ZNF469: variants seen among roughly 807,000 people sequenced by gnomAD.
The protein encoded by ZNF469 is zinc finger protein 469.
In ZNF469, 1 loss-of-function variant was observed where a neutral mutation model predicts 1.0. That is an observed-to-expected ratio of 1.00 (90% CI 0.35 to 4.73). The LOEUF is 4.73. Ranked by LOEUF, ZNF469 falls within the 30% of genes most tolerant of loss-of-function variation. ZNF469 has a pLI of 0.16. For missense variants in ZNF469, 6,100 were observed against 5,356.3 expected (o/e 1.14, Z -4.33); for synonymous variants, 2,703 against 2,363.4 (o/e 1.14, Z -4.17).
the ZNF469 span, among the ~76,000 whole-genome samples, chr16:88,128,526 C>T: frequency 2.0e-5 from 3 of 152,326 alleles, no homozygotes; most frequent in South Asian, 2.1e-4. Context: ...TTAGAGGGTG[C>T]TCCACCTGGA....
chr16:88,302,550 T>A, the ZNF469 span: 1 of 152,260 alleles, frequency 6.6e-6, no homozygotes, highest in Admixed American at 6.5e-5. Context: ...CCTGGGCTCG[T>A]CTGGACCTGT....
At chr16:88,296,734 C>T in the ZNF469 span, among the ~76,000 whole-genome samples, 2 of 151,366 alleles carry the variant, frequency 1.3e-5, no homozygotes, top group Non-Finnish European at 2.9e-5. Flanking sequence ...CCATGCTCCA[C>T]CCACACACAC....
chr16:88,423,764 G>C (rs1241611037), intron 1 of ZNF469, among the ~76,000 whole-genome samples: 3 of 152,198 alleles, frequency 2.0e-5, no homozygotes. Flanking sequence ...CTCTCCACGG[G>C]GCTGCTTGAG....
chr16:88,346,959 G>C, the ZNF469 span, among the ~76,000 whole-genome samples: 1,646 of 152,262 alleles, frequency 0.011, 28 homozygotes, highest in African/African-American at 0.037. Context: ...GAAGGCCCTC[G>C]TTCCCAGGAG....
At position 88,432,021 on chromosome 16, in the gene ZNF469, T is replaced by G. The variant is rs1222247473; in HGVS notation, c.4551T>G (p.Asp1517Glu). ...VSPMLPSHFP[D>E]LSGGKVLSKT... ...CGATGCTGCCTAGCCATTTTCCTGA[T>G]CTCTCGGGGGGAAAGGTGCTCAGTA... is the stretch of plus-strand genomic sequence containing the variant. Residue 1517 changes from aspartate (D) to glutamate (E), a missense_variant, in exon 3 of 3, where the codon GAT becomes GAG. Physicochemically the swap from Asp to Glu is conservative, Grantham distance 45. Transcript: ENST00000565624. 6.5e-7 allele frequency: 1 copy of G among 1,550,086 alleles called. No homozygotes were observed. Among genetic ancestry groups the G allele is most frequent in the East Asian group, 2.4e-5 (1 of 40,910 alleles).
At chr16:88,376,603 A>G in the ZNF469 span, among the ~76,000 whole-genome samples, 1 of 152,164 alleles carries the variant, frequency 6.6e-6, no homozygotes, top group Non-Finnish European at 1.5e-5. Flanking sequence ...TTTTCTTTTC[A>G]TTAGAAGGAT....
At chr16:88,317,298 C>T in the ZNF469 span, among the ~76,000 whole-genome samples, 1 of 152,266 alleles carries the variant, frequency 6.6e-6, no homozygotes, top group African/African-American at 2.4e-5. Flanking sequence ...TCCGTGGAGC[C>T]TCCTTCTGCC....
At chr16:88,166,494 G>A in the ZNF469 span, among the ~76,000 whole-genome samples, 10 of 152,162 alleles carry the variant, frequency 6.6e-5, no homozygotes, top group South Asian at 2.1e-4. This position sits in a 1 kb window ranked among gnomAD's most constrained non-coding sequence, Gnocchi z 4.5. Flanking sequence ...AGCGCCCCTC[G>A]GCACCCTCCC....
chr16:88,376,069 G>T, the ZNF469 span, among the ~76,000 whole-genome samples: 2 of 152,264 alleles, frequency 1.3e-5, no homozygotes, highest in Non-Finnish European at 2.9e-5. Context: ...TTCATGGCAG[G>T]TTCAGGGCGG....
the ZNF469 span, among the ~76,000 whole-genome samples, chr16:88,105,947 G>C: frequency 2.0e-5 from 3 of 152,244 alleles, no homozygotes; most frequent in East Asian, 5.8e-4. Flanking sequence ...GGCCCAGGAG[G>C]CTCCATCATG....
the ZNF469 span, among the ~76,000 whole-genome samples, chr16:88,216,369 C>T: frequency 6.6e-6 from 1 of 152,096 alleles, no homozygotes; most frequent in Admixed American, 6.6e-5. Context: ...TGGTGGGTGC[C>T]TGTAGTCCCA....
At chr16:88,235,542 C>G in the ZNF469 span, among the ~76,000 whole-genome samples, 8 of 152,356 alleles carry the variant, frequency 5.3e-5, no homozygotes, top group Non-Finnish European at 1.0e-4. Context: ...ACTCCTTGAA[C>G]TGTATCAGGG....
rs528281199 is a variant in ZNF469 at position 88,387,034 on chromosome 16, T to C, written c.-192+3780T>C. ...AGATGGGCCAGTACAGTTGGGCAGG[T>C]TGTTCACTGCACGTCGGCACCCAGT... On this transcript the variant is annotated intron_variant, in intron 1 of 2. Coordinates refer to ENST00000565624, the MANE Select transcript of ZNF469 (RefSeq NM_001367624.2). Among the ~76,000 whole-genome samples the C allele has an allele frequency of 3.3e-5, 5 of 152,276 alleles. No homozygotes were observed. The East Asian group carries it at 9.7e-4, about 29-fold the overall frequency.
the ZNF469 span, among the ~76,000 whole-genome samples, chr16:88,181,270 C>T: frequency 6.6e-6 from 1 of 152,118 alleles, no homozygotes; most frequent in East Asian, 1.9e-4. Context: ...CGGGGTTTCA[C>T]TGTGTTGGCT....
chr16:88,209,741 A>G, the ZNF469 span, among the ~76,000 whole-genome samples: 1 of 152,162 alleles, frequency 6.6e-6, no homozygotes, highest in Non-Finnish European at 1.5e-5. Flanking sequence ...GGACTTCCTT[A>G]TTCTTTTTTA....
chr16:88,248,238 G>A, the ZNF469 span, among the ~76,000 whole-genome samples: 1 of 152,226 alleles, frequency 6.6e-6, no homozygotes, highest in East Asian at 1.9e-4. Context: ...ACGTAGAAGT[G>A]CATTTAGTAA....
the ZNF469 span, among the ~76,000 whole-genome samples, chr16:88,151,470 C>T: frequency 5.3e-5 from 8 of 152,222 alleles, no homozygotes; most frequent in African/African-American, 1.9e-4. This position sits in a 1 kb window ranked among gnomAD's most constrained non-coding sequence, Gnocchi z 5.4. Flanking sequence ...CAACCAATTT[C>T]GCTTTGCGGT....
chr16:88,205,003 C>G, the ZNF469 span, among the ~76,000 whole-genome samples: 1 of 152,124 alleles, frequency 6.6e-6, no homozygotes, highest in Non-Finnish European at 1.5e-5. This position sits in a 1 kb window ranked among gnomAD's most constrained non-coding sequence, Gnocchi z 4.2. Context: ...AAAATCAGTG[C>G]TCGCGTTAAG....
chr16:88,373,391 TG>T, the ZNF469 span, among the ~76,000 whole-genome samples: 1 of 152,060 alleles, frequency 6.6e-6, no homozygotes, highest in African/African-American at 2.4e-5. Context: ...CATCTCAGGA[TG>T]GGGTGTTGAG....
Sources: gnomAD v4.1 joint callset for allele counts (sites outside exome capture counted in the v4.1 genomes callset) on GRCh38, gnomAD v4.1.1 for gene constraint, Gnocchi (gnomAD v3.1) non-coding constraint, MANE v1.5 for transcripts, NCBI Gene and HGNC (gene_info 2026-07-23, HGNC 2026-07-21) for gene names.